The following FAM120C variants were observed in gnomAD, a reference collection of about 807,000 sequenced individuals.
FAM120C encodes constitutive coactivator of PPAR-gamma-like protein 2.
Under a neutral mutation model 71.2 loss-of-function variants are expected in FAM120C, and 14 were observed. The ratio of observed to expected loss-of-function variants is 0.20; its 90% CI spans 0.13 to 0.31. The LOEUF (loss-of-function observed/expected upper bound fraction) is 0.31. FAM120C is among the 10% of genes least tolerant of loss of function. FAM120C has a pLI of 1.00. For missense variants in FAM120C, 500 were observed against 879.0 expected, an observed-to-expected ratio of 0.57 and a Z score of 5.45; for synonymous variants, 354 against 353.2, an observed-to-expected ratio of 1.00 and a Z score of -0.03.
At chrX:54,153,695 G>C (rs782161344) in intron 3 of FAM120C, among the ~76,000 whole-genome samples, 1 of 109,655 alleles carries the variant, frequency 9.1e-6, no homozygotes, top group South Asian at 3.9e-4. Context: ...AGCCTCCTGA[G>C]TAGCTGGGAT....
At chrX:54,089,528 C>A (rs1335609070) in intron 11 of FAM120C, among the ~76,000 whole-genome samples, 1 of 111,956 alleles carries the variant, frequency 8.9e-6, no homozygotes, top group African/African-American at 3.2e-5. Context: ...CCTTAGTTGA[C>A]CTCACTTAAG....
intron 9 of FAM120C, among the ~76,000 whole-genome samples, chrX:54,125,002 A>G (rs1603357547): frequency 9.0e-6 from 1 of 111,472 alleles, no homozygotes; most frequent in East Asian, 2.8e-4. Context: ...AGAAACAAAA[A>G]ACAACAAAAA....
intron 10 of FAM120C, among the ~76,000 whole-genome samples, chrX:54,097,833 TCTC>T (rs2066860449): frequency 9.1e-6 from 1 of 109,789 alleles, no homozygotes; most frequent in Admixed American, 9.8e-5. Context: ...TTCACGCCAT[TCTC>T]CTGCCTCAGC....
At chrX:54,092,417 C>T (rs1475913296) in intron 10 of FAM120C, among the ~76,000 whole-genome samples, 2 of 109,899 alleles carry the variant, frequency 1.8e-5, no homozygotes, top group Non-Finnish European at 3.8e-5. Context: ...TGGTGGCGGG[C>T]ACCTGTAATC....
At chrX:54,131,808 C>T (rs1340747747) in intron 9 of FAM120C, among the ~76,000 whole-genome samples, 1 of 108,267 alleles carries the variant, frequency 9.2e-6, no homozygotes, top group Non-Finnish European at 1.9e-5. Context: ...GTCGCCCAGG[C>T]TGGAGTGCAG....
In FAM120C at chrX:54,073,228, C is replaced by T; in HGVS notation, c.3096G>A (p.Gln1032=). 8.3e-7 allele frequency: 1 copy of T among 1,210,093 alleles called. No homozygotes were observed. The highest frequency in any genetic ancestry group is 1.8e-5 in the South Asian group (1 of 56,866). ...TCAATGCGCCACTGTTTCCATTTAC[C>T]TGGGAGCGAGACCGACCTTGATGAA... The part of the protein sequence containing the change: ...LELHQGRSRS[Q]VNGNSGALIK... The change falls in exon 16 of 16, where the codon CAG becomes CAA. Residue 1032 remains glutamine, a synonymous_variant. Transcript: ENST00000375180.
chrX:54,091,487 T>G, intron 10 of FAM120C, 61 bp from the exon 11 acceptor site: 1 of 869,669 alleles, frequency 1.1e-6, no homozygotes, highest in Admixed American at 2.5e-5. Flanking sequence ...TCACAAAAAC[T>G]TATTAAGCTA....
At position 54,068,965 on chromosome X, in the gene FAM120C, C is replaced by G. The variant is rs1408242948; in HGVS notation, c.*4068G>C. ...ATTTTGCTTCATTTACATGAAAATT[C>G]ACTAGTCATTAGTTACTACCAACAC... On this transcript the variant is annotated 3_prime_UTR_variant, in exon 16 of 16. Coordinates refer to ENST00000375180, the MANE Select transcript of FAM120C (RefSeq NM_017848.6). The G allele has an allele frequency of 8.9e-6, 1 of 111,743 alleles. No individual in the cohort carries two copies. The highest frequency in any genetic ancestry group is 3.3e-5 in the African/African-American group (1 of 30,741). The allele number at this position is 111,743 out of a possible 1,213,427, so 9.2% of individuals were successfully genotyped here. A position where few individuals can be genotyped will look rare whatever the true frequency, so the allele number is the denominator to read the frequency against.
Position 54,157,787 on chromosome X carries a change from G to A in FAM120C, c.947-16C>T. 1 of 1,131,487 alleles carries A rather than the reference G, an allele frequency of 8.8e-7. No homozygotes were observed. Among genetic ancestry groups the A allele is most frequent in the Non-Finnish European group, 1.2e-6 (1 of 825,616 alleles). The allele number at this position is 1,131,487 out of a possible 1,213,427, so 93.2% of individuals were successfully genotyped here. On this transcript the variant is annotated splice_polypyrimidine_tract_variant and intron_variant, in intron 2 of 15. Coordinates refer to ENST00000375180, the MANE Select transcript of FAM120C (RefSeq NM_017848.6). ...ATGTGGTTACCTATAAAGTACATTT[G>A]TCATTCATTGACTGTACAAATGTTT...
At chrX:54,077,432 C>G (rs781964860) in intron 15 of FAM120C, among the ~76,000 whole-genome samples, 1 of 111,425 alleles carries the variant, frequency 9.0e-6, no homozygotes, top group Non-Finnish European at 1.9e-5. Context: ...TGGCTCATTC[C>G]TATAATCCCG....
chrX:54,094,260 G>C, intron 10 of FAM120C, among the ~76,000 whole-genome samples: 1 of 107,675 alleles, frequency 9.3e-6, no homozygotes, highest in East Asian at 3.0e-4. Flanking sequence ...ACCACGCCTG[G>C]CTAATTTTTT....
intron 10 of FAM120C, among the ~76,000 whole-genome samples, chrX:54,109,998 C>T (rs1557125441): frequency 1.0e-5 from 1 of 97,293 alleles, no homozygotes; most frequent in African/African-American, 3.7e-5. Context: ...TATAAGAAAA[C>T]GTAGAAAAAT....
intron 4 of FAM120C, among the ~76,000 whole-genome samples, chrX:54,141,199 C>T (rs1289362084): frequency 9.0e-6 from 1 of 111,267 alleles, no homozygotes; most frequent in African/African-American, 3.3e-5. Flanking sequence ...GAAAATAAAA[C>T]CAGACTAAGG....
chrX:54,168,565 G>A lies in FAM120C; in HGVS notation c.700-8949C>T, dbSNP rs189624901. Among the ~76,000 whole-genome samples, 9 of 112,613 alleles carry A rather than the reference G, an allele frequency of 8.0e-5. No individual in the cohort carries two copies. The East Asian group carries it at 2.5e-3, about 31-fold the overall frequency. On this transcript the variant is annotated intron_variant, in intron 1 of 15. Transcript: ENST00000375180. ...CACCAGAAGTATTATTCAGTAGAAT[G>A]TAAGCTTCAAGAAGGCTGAGGATTT... is the stretch of plus-strand genomic sequence containing the variant.
intron 1 of FAM120C, among the ~76,000 whole-genome samples, chrX:54,181,679 G>A (rs12688331): frequency 0.06 from 6,678 of 111,734 alleles, 160 homozygotes; most frequent in East Asian, 0.089. Context: ...CCCAGGTGAG[G>A]TCCGACTTCT....
chrX:54,110,350 C>T (rs1349876765), intron 10 of FAM120C, among the ~76,000 whole-genome samples: 6 of 109,703 alleles, frequency 5.5e-5, no homozygotes, highest in Non-Finnish European at 1.1e-4. Context: ...CCAAAACACA[C>T]ACCATAAAGG....
intron 9 of FAM120C, among the ~76,000 whole-genome samples, chrX:54,128,174 CCA>C (rs1238500644): frequency 9.1e-6 from 1 of 110,319 alleles, no homozygotes; most frequent in Non-Finnish European, 1.9e-5. Context: ...CACCACCCTC[CCA>C]CCCCCTCAAG....
At chrX:54,081,910 C>T (rs1183318202) in intron 13 of FAM120C, among the ~76,000 whole-genome samples, 20 of 110,416 alleles carry the variant, frequency 1.8e-4, no homozygotes, top group African/African-American at 6.3e-4. Flanking sequence ...TGGCAGGGCA[C>T]GGTGGCTCAT....
At position 54,134,970 on chromosome X, in the gene FAM120C, C is replaced by T. The variant is rs781918736; in HGVS notation, c.1477G>A (p.Ala493Thr). Residue 493 changes from alanine (A) to threonine (T), a missense_variant, in exon 7 of 16, where the codon GCC becomes ACC. By Grantham distance (58) the Ala-to-Thr change is moderately conservative. Transcript: ENST00000375180. ...EDPMLQNSPF[A>T]NWAVSYDSSA... ...GAGTCATAGGAGACAGCCCAATTGG[C>T]AAAGGGGCTGTTCTGCAGCATGGGA... 2 of 1,211,354 alleles carry T rather than the reference C, an allele frequency of 1.7e-6. No individual in the cohort carries two copies. The highest frequency in any genetic ancestry group is 5.9e-5 in the East Asian group (2 of 33,834).
Sources: gnomAD v4.1 joint callset for allele counts (sites outside exome capture counted in the v4.1 genomes callset) on GRCh38, gnomAD v4.1.1 for gene constraint, MANE v1.5 for transcripts, NCBI Gene and HGNC (gene_info 2026-07-23, HGNC 2026-07-21) for gene names.